The following RNF225 variants were observed in gnomAD, a reference collection of about 807,000 sequenced individuals.
RNF225 encodes ring finger protein 225.
For missense variants in RNF225, 510 were observed against 509.8 expected, an observed-to-expected ratio of 1.00 and a Z score of 0.00; for synonymous variants, 295 against 260.4, an observed-to-expected ratio of 1.13 and a Z score of -1.28.
rs1252025059 is a variant in RNF225 at position 58,396,454 on chromosome 19, G to T, written c.365G>T (p.Gly122Val). 6 of 1,416,138 alleles carry T rather than the reference G, an allele frequency of 4.2e-6. No homozygotes were observed. The Admixed American group carries it at 1.3e-4, about 30-fold the overall frequency. 87.7% of individuals were successfully genotyped at this position (1,416,138 alleles called of 1,614,324 possible). A position where few individuals can be genotyped will look rare whatever the true frequency, so the allele number is the denominator to read the frequency against. ...RAPTRLAPRR[G>V]LPALPTQSGL... The stretch of plus-strand genomic sequence containing the variant: ...CCCACGCGCCTGGCCCCCCGCCGCG[G>T]ACTCCCCGCGTTGCCCACGCAGTCC... Residue 122 changes from glycine (G) to valine (V), a missense_variant, in exon 1 of 1, where the codon GGA (glycine) becomes GTA (valine). Transcript: ENST00000601382.
chr19:58,396,428 G>A lies in RNF225; in HGVS notation c.339G>A (p.Ala113=), dbSNP rs1034565554. 14 of 1,483,156 alleles carry A rather than the reference G, an allele frequency of 9.4e-6. No homozygotes were observed. In the African/African-American group the frequency reaches 1.2e-4, roughly 12 times the overall value. The allele number at this position is 1,483,156 out of a possible 1,614,324, so 91.9% of individuals were successfully genotyped here. The change falls in exon 1 of 1, where the codon GCG becomes GCA. Residue 113 remains alanine, a synonymous_variant. Coordinates refer to ENST00000601382, the MANE Select transcript of RNF225 (RefSeq NM_001195135.2). ...GNAVACPVCR[A]PTRLAPRRGL... is the part of the protein sequence containing the mutation. ...CGGTGGCCTGTCCGGTGTGCCGCGC[G>A]CCCACGCGCCTGGCCCCCCGCCGCG...
Position 58,396,827 on chromosome 19 carries a change from T to C in RNF225, c.738T>C (p.Ser246=). ...CGCTCGCTCCAGCGCCTGGCTTCTCTTGGTTTCCGCCGAGGCCCCCGCCGG... is the reference window on the plus strand; with the variant it reads ...CGCTCGCTCCAGCGCCTGGCTTCTCCTGGTTTCCGCCGAGGCCCCCGCCGG... The part of the protein sequence containing the change: ...LVALAPAPGF[S]WFPPRPPPGS... The change falls in exon 1 of 1, where the codon TCT becomes TCC. Residue 246 remains serine (S), a synonymous_variant. Coordinates refer to ENST00000601382, the MANE Select transcript of RNF225 (RefSeq NM_001195135.2). 5.3e-6 allele frequency: 8 copies of C among 1,520,188 alleles called. No homozygotes were observed. Among genetic ancestry groups the C allele is most frequent in the South Asian group, 1.2e-5 (1 of 82,764 alleles). The allele number at this position is 1,520,188 out of a possible 1,614,324, so 94.2% of individuals were successfully genotyped here.
In RNF225 at chr19:58,396,246, G is replaced by C. The variant is rs770509593; in HGVS notation, c.157G>C (p.Gly53Arg). Residue 53 changes from glycine (G) to arginine (R), a missense_variant, in exon 1 of 1, where the codon GGC (glycine) becomes CGC (arginine). Transcript: ENST00000601382. ...EEEGDGSPGS[G>R]PILPPASPVE... ...GGAAGGGGACGGCAGCCCAGGCTCC[G>C]GCCCTATCCTGCCCCCCGCCTCCCC... The C allele has an allele frequency of 6.5e-7, 1 of 1,538,754 alleles. No homozygotes were observed. Among genetic ancestry groups the C allele is most frequent in the Admixed American group, 2.0e-5 (1 of 51,116 alleles).
chr19:58,396,432 A>G lies in RNF225; in HGVS notation c.343A>G (p.Thr115Ala). Reference protein sequence around the residue: ...AVACPVCRAPTRLAPRRGLPA... With the variant: ...AVACPVCRAPARLAPRRGLPA... ...GGCCTGTCCGGTGTGCCGCGCGCCC[A>G]CGCGCCTGGCCCCCCGCCGCGGACT... The change falls in exon 1 of 1, where the codon ACG (threonine) becomes GCG (alanine). Residue 115 changes from threonine (T) to alanine (A), a missense_variant. Transcript: ENST00000601382. 1.4e-6 allele frequency: 2 copies of G among 1,475,748 alleles called. No homozygotes were observed. Among genetic ancestry groups the G allele is most frequent in the Admixed American group, 2.3e-5 (1 of 42,628 alleles). The allele number at this position is 1,475,748 out of a possible 1,614,324, so 91.4% of individuals were successfully genotyped here. A position where few individuals can be genotyped will look rare whatever the true frequency, so the allele number is the denominator to read the frequency against.
chr19:58,397,074 CAAT>C lies in RNF225; in HGVS notation c.988_990del (p.Ter330delextTer?). 6.6e-7 allele frequency: 1 copy of C among 1,516,684 alleles called. No individual in the cohort carries two copies. 94.0% of individuals were successfully genotyped at this position (1,516,684 alleles called of 1,614,324 possible). ...GGGCGCGAGGAGGCTGTGGGGCTCACAATAAGTGCGCCAGTACTGCAGTCCTGC... is the reference window on the plus strand; with the variant it reads ...GGGCGCGAGGAGGCTGTGGGGCTCACAAGTGCGCCAGTACTGCAGTCCTGC... On this transcript the variant is annotated stop_lost and inframe_deletion, in exon 1 of 1. Transcript: ENST00000601382.
rs888542283 is a variant in RNF225, at chr19:58,396,532, G to A, written c.443G>A (p.Arg148His). ...CCGCCCTCTCGCCAGGGCTCCGTGC[G>A]CTTCGACCGGCGCCGCGGCCTTCTC... ...RAPPSRQGSV[R>H]FDRRRGLLYL... is the part of the protein sequence containing the mutation. The change falls in exon 1 of 1, where the codon CGC becomes CAC. Residue 148 changes from arginine (R) to histidine (H), a missense_variant. Physicochemically the swap from Arg to His is conservative, Grantham distance 29. Transcript: ENST00000601382. The A allele has an allele frequency of 2.5e-6, 3 of 1,200,762 alleles. No individual in the cohort carries two copies. Among genetic ancestry groups the A allele is most frequent in the Non-Finnish European group, 3.1e-6 (3 of 968,582 alleles). 74.4% of individuals were successfully genotyped at this position (1,200,762 alleles called of 1,614,324 possible).
Position 58,396,719 on chromosome 19 carries a change from G to C in RNF225, c.630G>C (p.Ala210=), listed in dbSNP as rs760714865. The C allele has an allele frequency of 3.3e-6, 5 of 1,500,596 alleles. No individual in the cohort carries two copies. The highest frequency in any genetic ancestry group is 1.2e-5 in the South Asian group (1 of 80,812). 93.0% of individuals were successfully genotyped at this position (1,500,596 alleles called of 1,614,324 possible). The change falls in exon 1 of 1, where the codon GCG becomes GCC. Residue 210 remains alanine (A), a synonymous_variant. Transcript: ENST00000601382. ...TGGCGCTGGCGGTGCTGGTGGCCGC[G>C]GGCCTCGTGGTCTCGGGCGTCTACA... The part of the protein sequence containing the change: ...AAVALAVLVA[A]GLVVSGVYIF...
rs539050876 is a variant in RNF225, at chr19:58,395,850, A to T, written c.-240A>T. 3.3e-5 allele frequency among the ~76,000 whole-genome samples: 5 copies of T among 150,758 alleles called. No homozygotes were observed. Among genetic ancestry groups the T allele is most frequent in the South Asian group, 2.1e-4 (1 of 4,808 alleles). On this transcript the variant is annotated 5_prime_UTR_variant, in exon 1 of 1. Transcript: ENST00000601382. ...ACTGCGGTCTGTCTCTCCGTTTCCA[A>T]TTCAGGAACTGGTACCCCGTGGGTC...
At position 58,396,464 on chromosome 19, in the gene RNF225, G is replaced by T; in HGVS notation, c.375G>T (p.Ala125=). 7.1e-7 allele frequency: 1 copy of T among 1,416,128 alleles called. No individual in the cohort carries two copies. Among genetic ancestry groups the T allele is most frequent in the Non-Finnish European group, 9.1e-7 (1 of 1,093,960 alleles). The allele number at this position is 1,416,128 out of a possible 1,614,324, so 87.7% of individuals were successfully genotyped here. ...TRLAPRRGLP[A]LPTQSGLLPR... Reference sequence around the variant, plus strand: ...TGGCCCCCCGCCGCGGACTCCCCGCGTTGCCCACGCAGTCCGGTCTCCTGC... The same window carrying T: ...TGGCCCCCCGCCGCGGACTCCCCGCTTTGCCCACGCAGTCCGGTCTCCTGC... Residue 125 remains alanine (A), a synonymous_variant, in exon 1 of 1, where the codon GCG becomes GCT. Transcript: ENST00000601382.
In RNF225 at chr19:58,397,007, G is replaced by T; in HGVS notation, c.918G>T (p.Thr306=). The change falls in exon 1 of 1, where the codon ACG becomes ACT. Residue 306 remains threonine, a synonymous_variant. Coordinates refer to ENST00000601382, the MANE Select transcript of RNF225 (RefSeq NM_001195135.2). ...ERTLDRRSDG[T]WGTEAGPGWA... ...CGCTGGACAGGCGATCGGATGGCAC[G>T]TGGGGCACAGAGGCTGGCCCCGGCT... The T allele has an allele frequency of 6.5e-7, 1 of 1,533,976 alleles. No homozygotes were observed. Among genetic ancestry groups the T allele is most frequent in the Non-Finnish European group, 8.7e-7 (1 of 1,146,310 alleles).
rs2052398805 is a variant in RNF225, at chr19:58,396,352, G to C, written c.263G>C (p.Cys88Ser). 6.5e-7 allele frequency: 1 copy of C among 1,535,476 alleles called. No individual in the cohort carries two copies. Among genetic ancestry groups the C allele is most frequent in the Non-Finnish European group, 8.7e-7 (1 of 1,146,678 alleles). ...PKRLDCGHVF[C>S]LECLARLSLA... ...CGCCTGGACTGCGGCCACGTCTTCTGTCTCGAGTGCCTGGCGCGCCTATCG... is the reference window on the plus strand; with the variant it reads ...CGCCTGGACTGCGGCCACGTCTTCTCTCTCGAGTGCCTGGCGCGCCTATCG... The change falls in exon 1 of 1, where the codon TGT becomes TCT. Residue 88 changes from cysteine to serine, a missense_variant. By Grantham distance (112) the Cys-to-Ser change is moderately radical (BLOSUM62 -1). Transcript: ENST00000601382.
chr19:58,396,311 G>C lies in RNF225; in HGVS notation c.222G>C (p.Val74=), dbSNP rs1010492346. Residue 74 remains valine (V), a synonymous_variant, in exon 1 of 1, where the codon GTG becomes GTC. Transcript: ENST00000601382. ...CLICVSSFDG[V]FKLPKRLDCG... ...TCTGCGTGTCGTCCTTCGACGGCGT[G>C]TTCAAGCTGCCCAAGCGCCTGGACT... The C allele has an allele frequency of 1.3e-6, 2 of 1,535,818 alleles. No individual in the cohort carries two copies. The highest frequency in any genetic ancestry group is 3.9e-5 in the Admixed American group (2 of 51,002).
Position 58,396,737 on chromosome 19 carries a change from C to T in RNF225, c.648C>T (p.Gly216=). ...VLVAAGLVVS[G]VYIFFLIPHA... ...TGGCCGCGGGCCTCGTGGTCTCGGG[C>T]GTCTACATCTTCTTCCTCATCCCGC... The change falls in exon 1 of 1, where the codon GGC becomes GGT. Residue 216 remains glycine (G), a synonymous_variant. Coordinates refer to ENST00000601382, the MANE Select transcript of RNF225 (RefSeq NM_001195135.2). 2.0e-6 allele frequency: 3 copies of T among 1,506,640 alleles called. No homozygotes were observed. Among genetic ancestry groups the T allele is most frequent in the Non-Finnish European group, 2.6e-6 (3 of 1,135,134 alleles). 93.3% of individuals were successfully genotyped at this position (1,506,640 alleles called of 1,614,324 possible).
Position 58,396,127 on chromosome 19 carries a change from G to C in RNF225, c.38G>C (p.Arg13Pro). The change falls in exon 1 of 1, where the codon CGG becomes CCG. Residue 13 changes from arginine (R) to proline (P), a missense_variant. Transcript: ENST00000601382. The stretch of plus-strand genomic sequence containing the variant: ...CGGCCGTTCTGGCTCCGCCATTCCC[G>C]GGCCCCCCAGGGCTCGGGTCCCAGC... ...CPRPFWLRHS[R>P]APQGSGPSSP... is the part of the protein sequence containing the mutation. The C allele has an allele frequency of 6.5e-7, 1 of 1,532,096 alleles. No homozygotes were observed. Among genetic ancestry groups the C allele is most frequent in the Non-Finnish European group, 8.7e-7 (1 of 1,145,700 alleles). 94.9% of individuals were successfully genotyped at this position (1,532,096 alleles called of 1,614,324 possible).
rs750512932 is a variant in RNF225 at position 58,396,192 on chromosome 19, G to C, written c.103G>C (p.Gly35Arg). ...SLSAPRSPSRGEDQEEEEEEE... is the reference protein window; with the variant it reads ...SLSAPRSPSRREDQEEEEEEE... ...CTCTGCGCCCCGCTCCCCAAGCAGA[G>C]GGGAAGACCAGGAGGAGGAGGAGGA... The change falls in exon 1 of 1, where the codon GGG becomes CGG. Residue 35 changes from glycine (G) to arginine (R), a missense_variant. Gly to Arg is a moderately radical substitution (Grantham distance 125). Transcript: ENST00000601382. 2 of 1,542,938 alleles carry C rather than the reference G, an allele frequency of 1.3e-6. No individual in the cohort carries two copies. Among genetic ancestry groups the C allele is most frequent in the African/African-American group, 2.7e-5 (2 of 73,204 alleles).
At position 58,396,840 on chromosome 19, in the gene RNF225, AGGCCCCCGCCGGGGTCGCCCTG is replaced by A. The variant is rs1435882374; in HGVS notation, c.762_783del (p.Ser256ArgfsTer?). 36 of 1,518,830 alleles carry A rather than the reference AGGCCCCCGCCGGGGTCGCCCTG, an allele frequency of 2.4e-5. No individual in the cohort carries two copies. The East Asian group carries it at 2.8e-4, about 12-fold the overall frequency. The allele number at this position is 1,518,830 out of a possible 1,614,324, so 94.1% of individuals were successfully genotyped here. A position where few individuals can be genotyped will look rare whatever the true frequency, so the allele number is the denominator to read the frequency against. On this transcript the variant is annotated frameshift_variant, in exon 1 of 1. Coordinates refer to ENST00000601382, the MANE Select transcript of RNF225 (RefSeq NM_001195135.2). LOFTEE classifies it low-confidence loss of function (END_TRUNC). ...GCCTGGCTTCTCTTGGTTTCCGCCGAGGCCCCCGCCGGGGTCGCCCTGGGCCCCCGCCTGGACGCCGCGCCCC... is the reference window on the plus strand; with the variant it reads ...GCCTGGCTTCTCTTGGTTTCCGCCGAGGCCCCCGCCTGGACGCCGCGCCCC...
Position 58,396,797 on chromosome 19 carries a change from C to G in RNF225, c.708C>G (p.Leu236=), listed in dbSNP as rs575996922. The G allele has an allele frequency of 6.6e-6, 10 of 1,519,868 alleles. No individual in the cohort carries two copies. The highest frequency in any genetic ancestry group is 8.8e-6 in the Non-Finnish European group (10 of 1,140,950). 94.1% of individuals were successfully genotyped at this position (1,519,868 alleles called of 1,614,324 possible). A position where few individuals can be genotyped will look rare whatever the true frequency, so the allele number is the denominator to read the frequency against. ...CCTCCGGCCCCCCGCGGCCCCAGCT[C>G]GTGGCGCTCGCTCCAGCGCCTGGCT... is the stretch of plus-strand genomic sequence containing the variant. The part of the protein sequence containing the change: ...ATSSGPPRPQ[L]VALAPAPGFS... The change falls in exon 1 of 1, where the codon CTC becomes CTG. Residue 236 remains leucine, a synonymous_variant. Coordinates refer to ENST00000601382, the MANE Select transcript of RNF225 (RefSeq NM_001195135.2).
At position 58,396,107 on chromosome 19, in the gene RNF225, G is replaced by A. The variant is rs144492935; in HGVS notation, c.18G>A (p.Pro6=). 4 of 1,530,556 alleles carry A rather than the reference G, an allele frequency of 2.6e-6. No individual in the cohort carries two copies. The highest frequency in any genetic ancestry group is 1.4e-5 in the African/African-American group (1 of 72,870). 94.8% of individuals were successfully genotyped at this position (1,530,556 alleles called of 1,614,324 possible). A position where few individuals can be genotyped will look rare whatever the true frequency, so the allele number is the denominator to read the frequency against. The change falls in exon 1 of 1, where the codon CCG becomes CCA. Residue 6 remains proline, a synonymous_variant. Transcript: ENST00000601382. MPCPR[P]FWLRHSRAPQ... ...CCATCCGGATGCCCTGCCCTCGGCC[G>A]TTCTGGCTCCGCCATTCCCGGGCCC...
rs147121598 is a variant in RNF225 at position 58,396,088 on chromosome 19, G to A, written c.-2G>A. ...ACCTCCTCTCCTCCCAGGTCCATCC[G>A]GATGCCCTGCCCTCGGCCGTTCTGG... is the stretch of plus-strand genomic sequence containing the variant. On this transcript the variant is annotated 5_prime_UTR_variant, in exon 1 of 1. Transcript: ENST00000601382. 11 of 1,519,150 alleles carry A rather than the reference G, an allele frequency of 7.2e-6. No individual in the cohort carries two copies. The East Asian group carries it at 9.8e-5, about 14-fold the overall frequency. 94.1% of individuals were successfully genotyped at this position (1,519,150 alleles called of 1,614,324 possible).
Sources: gnomAD v4.1 joint callset for allele counts (sites outside exome capture counted in the v4.1 genomes callset) on GRCh38, gnomAD v4.1.1 for gene constraint, MANE v1.5 for transcripts, NCBI Gene and HGNC (gene_info 2026-07-23, HGNC 2026-07-21) for gene names.